Variants in TCF7L2 observed in about 807,000 individuals in gnomAD.
TCF7L2 encodes the protein transcription factor 7 like 2, also known as transcription factor 7-like 2.
In TCF7L2, 23 loss-of-function variants were observed where a neutral mutation model predicts 77.9. That is an observed-to-expected ratio of 0.30 (90% CI 0.21 to 0.42). TCF7L2 has a LOEUF of 0.42. Ranked by LOEUF, TCF7L2 falls within the 10% of genes least tolerant of loss-of-function variation. The probability of loss-of-function intolerance (pLI) is 1.00; values close to 1 mark genes in which losing one functional copy is unlikely to be tolerated. For missense variants in TCF7L2, 654 were observed against 793.1 expected, an observed-to-expected ratio of 0.82 and a Z score of 2.11; for synonymous variants, 413 against 340.2, an observed-to-expected ratio of 1.21 and a Z score of -2.36.
At chr10:112,989,208 C>T (rs1281985724) in intron 4 of TCF7L2, among the ~76,000 whole-genome samples, 4 of 151,860 alleles carry the variant, frequency 2.6e-5, no homozygotes, top group Admixed American at 6.6e-5. Flanking sequence ...TTTCCAAGGT[C>T]CAGTATAGAC....
At chr10:113,150,320 C>CT (rs57919765) in intron 8 of TCF7L2, among the ~76,000 whole-genome samples, 24,580 of 144,460 alleles carry the variant, frequency 0.17, 2,388 homozygotes, top group Admixed American at 0.25. Flanking sequence ...CTTTCCTTTC[C>CT]TTTTTTTTTT....
chr10:112,991,571 T>C (rs1205484715), intron 4 of TCF7L2, among the ~76,000 whole-genome samples: 2 of 149,072 alleles, frequency 1.3e-5, no homozygotes, highest in East Asian at 2.0e-4. Flanking sequence ...AGAAGAGCCA[T>C]GGGGTGAGTC....
intron 5 of TCF7L2, among the ~76,000 whole-genome samples, chr10:113,071,590 C>T (rs951588683): frequency 6.6e-5 from 10 of 152,310 alleles, no homozygotes; most frequent in African/African-American, 1.9e-4. Context: ...TTTACCTTTT[C>T]CGTTCTGGGC....
rs149031135 is a variant in TCF7L2, at chr10:113,165,648, C to T, written c.1485C>T (p.Pro495=). 56 of 1,612,158 alleles carry T rather than the reference C, an allele frequency of 3.5e-5. No homozygotes were observed. Among genetic ancestry groups the T allele is most frequent in the Non-Finnish European group, 4.2e-5 (50 of 1,179,112 alleles). ...GAAGCTTACTAGATTCGCCTCCCCC[C>T]TCCCCGAACCTGCTAGGCTCCCCTC... The change falls in exon 14 of 14, where the codon CCC becomes CCT. Residue 495 remains proline (P), a synonymous_variant. Transcript: ENST00000627217.
At chr10:112,976,392 G>A (rs1055437443) in intron 4 of TCF7L2, among the ~76,000 whole-genome samples, 2 of 152,124 alleles carry the variant, frequency 1.3e-5, no homozygotes, top group South Asian at 2.1e-4. Context: ...TATTCCTGTT[G>A]GTTGCTGTTT....
At chr10:113,050,686 A>G (rs1291311351) in intron 5 of TCF7L2, among the ~76,000 whole-genome samples, 5 of 152,160 alleles carry the variant, frequency 3.3e-5, no homozygotes, top group African/African-American at 1.2e-4. Flanking sequence ...AAGCTCATAA[A>G]TGAAGGAATG....
intron 3 of TCF7L2, among the ~76,000 whole-genome samples, chr10:112,960,265 A>G (rs2034727245): frequency 6.6e-6 from 1 of 152,194 alleles, no homozygotes; most frequent in Non-Finnish European, 1.5e-5. Flanking sequence ...AGAGCCCAGT[A>G]GTGATTAGAA....
At chr10:113,145,969 A>G (rs199769238) in intron 7 of TCF7L2, 42 bp from the exon 8 acceptor site, 1 of 532,490 alleles carries the variant, frequency 1.9e-6, no homozygotes, top group Non-Finnish European at 3.1e-6. Flanking sequence ...CCCCACCCCC[A>G]CCCTTGTTTC....
chr10:112,950,621 G>GA lies in TCF7L2; in HGVS notation c.-130dup, dbSNP rs1321384192. On this transcript the variant is annotated 5_prime_UTR_variant, in exon 1 of 14. Transcript: ENST00000627217. ...CCCAGGAGAAAAAGACCCCCAAGCA[G>GA]AAAAAAGTTCACCTTGGACTCGTCT... 2 of 861,854 alleles carry GA rather than the reference G, an allele frequency of 2.3e-6. No individual in the cohort carries two copies. The highest frequency in any genetic ancestry group is 1.6e-6 in the Non-Finnish European group (1 of 619,506). The allele number at this position is 861,854 out of a possible 1,614,324, so 53.4% of individuals were successfully genotyped here.
chr10:113,112,974 TCTC>T (rs2063317424), intron 5 of TCF7L2, among the ~76,000 whole-genome samples: 2 of 152,218 alleles, frequency 1.3e-5, no homozygotes, highest in South Asian at 2.1e-4. Context: ...AATGGCTTCT[TCTC>T]CTCTGCTTCC....
chr10:112,997,840 T>C (rs140421878), intron 4 of TCF7L2, among the ~76,000 whole-genome samples: 366 of 152,312 alleles, frequency 2.4e-3, no homozygotes, highest in Middle Eastern at 0.01. Flanking sequence ...CTCTCGAAGG[T>C]AAGAGCCGTC....
At position 112,950,782 on chromosome 10, in the gene TCF7L2, G is replaced by A. The variant is rs1429045243; in HGVS notation, c.26G>A (p.Gly9Glu). The change falls in exon 1 of 14, where the codon GGG (glycine) becomes GAG (glutamate). Residue 9 changes from glycine (G) to glutamate (E), a missense_variant. Gly to Glu is a moderately conservative substitution (Grantham distance 98). Coordinates refer to ENST00000627217, the MANE Select transcript of TCF7L2 (RefSeq NM_001146274.2). The stretch of plus-strand genomic sequence containing the variant: ...ATGCCGCAGCTGAACGGCGGTGGAG[G>A]GGATGACCTAGGCGCCAACGACGAA... 2.5e-6 allele frequency: 4 copies of A among 1,582,064 alleles called. No homozygotes were observed. The highest frequency in any genetic ancestry group is 3.4e-6 in the Non-Finnish European group (4 of 1,162,326).
chr10:113,112,355 C>T (rs2063241646), intron 5 of TCF7L2, among the ~76,000 whole-genome samples: 1 of 152,248 alleles, frequency 6.6e-6, no homozygotes, highest in South Asian at 2.1e-4. Flanking sequence ...CACACATGCA[C>T]ACATGCGTGC....
chr10:113,044,589 G>A lies in TCF7L2; in HGVS notation c.552+4463G>A, dbSNP rs55993230. 1.1e-4 allele frequency among the ~76,000 whole-genome samples: 16 copies of A among 152,302 alleles called. 1 individual carries two copies. In the East Asian group the frequency reaches 2.9e-3, roughly 28 times the overall value. On this transcript the variant is annotated intron_variant, in intron 5 of 13. Transcript: ENST00000627217. ...GCCAGGTGCCCTCAAAGAGTAGGGG[G>A]CCCATGAGGGTATGACCAGGGGGAC...
chr10:113,144,132 G>A (rs796507919), intron 7 of TCF7L2, 107 bp downstream of exon 7: 508 of 757,300 alleles, frequency 6.7e-4, no homozygotes, highest in Admixed American at 2.1e-3. Flanking sequence ...GTGTGTGTGT[G>A]TGTGTATGTG....
intron 4 of TCF7L2, among the ~76,000 whole-genome samples, chr10:113,027,940 C>T (rs1009322168): frequency 4.6e-5 from 7 of 152,172 alleles, no homozygotes; most frequent in Non-Finnish European, 7.3e-5. Flanking sequence ...GGATTAGACC[C>T]GTCGGGTCTG....
rs1235162168 is a variant in TCF7L2, at chr10:113,151,458, C to T, written c.1002-267C>T. On this transcript the variant is annotated intron_variant, in intron 9 of 13. Coordinates refer to ENST00000627217, the MANE Select transcript of TCF7L2 (RefSeq NM_001146274.2). The surrounding 1 kb of genome is among the most constrained non-coding windows in gnomAD (Gnocchi z 5.2). ...GGAGAAAACCCTGCCGAGGTGAAGA[C>T]AGCAACCATGTGCTTTCCCCTCTGG... Among the ~76,000 whole-genome samples, 1 of 152,144 alleles carries T rather than the reference C, an allele frequency of 6.6e-6. No homozygotes were observed.
intron 5 of TCF7L2, among the ~76,000 whole-genome samples, chr10:113,106,008 T>C (rs766440415): frequency 5.3e-5 from 8 of 152,178 alleles, no homozygotes; most frequent in Non-Finnish European, 4.4e-5. Flanking sequence ...AGTAAGAAGA[T>C]AGCAGTAAGT....
At chr10:113,131,012 C>T (rs565189879) in intron 5 of TCF7L2, among the ~76,000 whole-genome samples, 2 of 152,196 alleles carry the variant, frequency 1.3e-5, no homozygotes, top group African/African-American at 2.4e-5. Context: ...GTGATCCGCC[C>T]GTCTCGGTCT....
Sources: allele counts gnomAD v4.1 joint callset (sites outside exome capture counted in the v4.1 genomes callset), GRCh38; gene constraint gnomAD v4.1.1; non-coding constraint Gnocchi (gnomAD v3.1); transcripts MANE v1.5; gene names NCBI Gene and HGNC (gene_info 2026-07-23, HGNC 2026-07-21).